PLPP4: variants seen among roughly 807,000 people sequenced by gnomAD.
The protein encoded by PLPP4 is phospholipid phosphatase 4.
Under a neutral mutation model 32.2 loss-of-function variants are expected in PLPP4, and 20 were observed. The observed-to-expected ratio is 0.62, with a 90% CI of 0.44 to 0.90. The LOEUF is 0.90. Ranked by LOEUF, PLPP4 falls within the 40% of genes least tolerant of loss-of-function variation. PLPP4 has a pLI of 0.00. For synonymous variants in PLPP4, 127 were observed against 133.0 expected (o/e 0.95, Z 0.31); for missense variants, 257 against 353.1 (o/e 0.73, Z 2.18).
chr10:120,575,962 G>C (rs951380833), intron 6 of PLPP4, among the ~76,000 whole-genome samples: 2 of 152,202 alleles, frequency 1.3e-5, no homozygotes, highest in African/African-American at 4.8e-5. Context: ...AGAGCACACA[G>C]AGAGCTGAGA....
intron 2 of PLPP4, among the ~76,000 whole-genome samples, chr10:120,511,402 C>CT (rs909425234): frequency 4.6e-5 from 7 of 152,308 alleles, no homozygotes; most frequent in Admixed American, 3.9e-4. Context: ...CCAACTCATA[C>CT]TTTTTTCTGG....
chr10:120,487,878 TG>T (rs1844533457), intron 1 of PLPP4, among the ~76,000 whole-genome samples: 1 of 152,220 alleles, frequency 6.6e-6, no homozygotes, highest in Non-Finnish European at 1.5e-5. Context: ...CCAGAGTTGG[TG>T]GCTACTTTTT....
At chr10:120,520,864 G>A in intron 4 of PLPP4, 107 bp from the exon 5 acceptor site, 1 of 1,384,170 alleles carries the variant, frequency 7.2e-7, no homozygotes. Flanking sequence ...TGACAGCCAA[G>A]GGGGCTGAGG....
intron 5 of PLPP4, among the ~76,000 whole-genome samples, chr10:120,562,525 C>T (rs1848482840): frequency 6.6e-6 from 1 of 152,150 alleles, no homozygotes; most frequent in Non-Finnish European, 1.5e-5. Context: ...TAAGGGAATG[C>T]TTTAAACGTC....
intron 1 of PLPP4, among the ~76,000 whole-genome samples, chr10:120,502,985 C>T (rs527601437): frequency 6.6e-6 from 1 of 152,312 alleles, no homozygotes; most frequent in South Asian, 2.1e-4. Context: ...CCCACAGGTT[C>T]TCCATGCCAT....
At chr10:120,574,135 C>A (rs910436315) in intron 5 of PLPP4, among the ~76,000 whole-genome samples, 5 of 86,874 alleles carry the variant, frequency 5.8e-5, no homozygotes, top group East Asian at 3.9e-4. Context: ...GGAGTACACA[C>A]ACACACACAC....
At chr10:120,578,470 TC>T (rs1372352389) in intron 6 of PLPP4, among the ~76,000 whole-genome samples, 2 of 152,210 alleles carry the variant, frequency 1.3e-5, no homozygotes. Context: ...TTAACAGCAT[TC>T]ATGTTGTGAG....
intron 1 of PLPP4, among the ~76,000 whole-genome samples, chr10:120,485,672 C>A (rs1159441976): frequency 2.0e-5 from 3 of 152,090 alleles, no homozygotes; most frequent in Admixed American, 6.5e-5. Context: ...ATTATTGATT[C>A]ATTCATTAGG....
intron 1 of PLPP4, among the ~76,000 whole-genome samples, chr10:120,499,065 G>A (rs991189958): frequency 5.9e-5 from 9 of 152,104 alleles, no homozygotes; most frequent in African/African-American, 9.7e-5. Flanking sequence ...GTTTTTAGCC[G>A]TTCTGTTTTT....
rs115922558 is a variant in PLPP4 at position 120,585,436 on chromosome 10, G to A, written c.617-3867G>A. 4.2e-3 allele frequency among the ~76,000 whole-genome samples: 640 copies of A among 152,336 alleles called. 4 individuals are homozygous for A. Among genetic ancestry groups the A allele is most frequent in the African/African-American group, 0.015 (612 of 41,568 alleles). On this transcript the variant is annotated intron_variant, in intron 6 of 6. Coordinates refer to ENST00000398250, the MANE Select transcript of PLPP4 (RefSeq NM_001030059.3). ...GATCTGTAAGCTTCTGAGTTGCTGT[G>A]TGAGGAGAAGGATGGGGCAGAATGA... is the stretch of plus-strand genomic sequence containing the variant.
Position 120,513,864 on chromosome 10 carries a change from A to T in PLPP4, c.166-47A>T, listed in dbSNP as rs778088203. The stretch of plus-strand genomic sequence containing the variant: ...AACTAATTATCAATCAGCCCTTCTG[A>T]TAGCAAACTGATGTCCTCATAAGGG... On this transcript the variant is annotated intron_variant, in intron 2 of 6. Coordinates refer to ENST00000398250, the MANE Select transcript of PLPP4 (RefSeq NM_001030059.3). 29 of 1,441,854 alleles carry T rather than the reference A, an allele frequency of 2.0e-5. 1 individual carries two copies. In the East Asian group the frequency reaches 5.9e-4, roughly 29 times the overall value. 89.3% of individuals were successfully genotyped at this position (1,441,854 alleles called of 1,614,324 possible). A position where few individuals can be genotyped will look rare whatever the true frequency, so the allele number is the denominator to read the frequency against.
At chr10:120,574,160 ACACACACACT>A (rs1564850035) in intron 5 of PLPP4, among the ~76,000 whole-genome samples, 14 of 117,724 alleles carry the variant, frequency 1.2e-4, no homozygotes, top group South Asian at 3.4e-4. Context: ...ACACACACAC[ACACACACACT>A]CTCTCTCTCT....
intron 6 of PLPP4, among the ~76,000 whole-genome samples, chr10:120,578,176 T>C (rs1176560340): frequency 6.6e-6 from 1 of 152,200 alleles, no homozygotes; most frequent in Non-Finnish European, 1.5e-5. Flanking sequence ...GCAGCAATGT[T>C]CTGGGAGTGG....
intron 5 of PLPP4, among the ~76,000 whole-genome samples, chr10:120,555,976 G>GGTGGCTT (rs1848143818): frequency 6.6e-6 from 1 of 152,148 alleles, no homozygotes; most frequent in Non-Finnish European, 1.5e-5. Flanking sequence ...TTCTCAGACT[G>GGTGGCTT]GTGGCTTGTG....
At chr10:120,535,439 G>T (rs560652401) in intron 5 of PLPP4, among the ~76,000 whole-genome samples, 1 of 151,864 alleles carries the variant, frequency 6.6e-6, no homozygotes, top group South Asian at 2.1e-4. Context: ...CCATCTGTTG[G>T]GTGTTGCATT....
chr10:120,536,705 A>G (rs1429336680), intron 5 of PLPP4, among the ~76,000 whole-genome samples: 1 of 150,886 alleles, frequency 6.6e-6, no homozygotes, highest in African/African-American at 2.4e-5. Flanking sequence ...AACAAGTAGG[A>G]TTACAAAAAA....
chr10:120,500,381 T>G (rs1589772449), intron 1 of PLPP4, among the ~76,000 whole-genome samples: 1 of 152,092 alleles, frequency 6.6e-6, no homozygotes, highest in Non-Finnish European at 1.5e-5. Context: ...ACCCTGTGGG[T>G]GGCAGAATAT....
At chr10:120,502,598 G>T (rs1462690950) in intron 1 of PLPP4, among the ~76,000 whole-genome samples, 1 of 152,098 alleles carries the variant, frequency 6.6e-6, no homozygotes, top group Non-Finnish European at 1.5e-5. Context: ...TGACAGCCCT[G>T]GAGTGGCTCC....
intron 6 of PLPP4, among the ~76,000 whole-genome samples, chr10:120,575,990 G>A (rs1251592669): frequency 6.6e-6 from 1 of 152,184 alleles, no homozygotes; most frequent in East Asian, 1.9e-4. Flanking sequence ...GATGTCCATG[G>A]GAGGTGTGGC....
Sources: gnomAD v4.1 joint callset for allele counts (sites outside exome capture counted in the v4.1 genomes callset) on GRCh38, gnomAD v4.1.1 for gene constraint, MANE v1.5 for transcripts, NCBI Gene and HGNC (gene_info 2026-07-23, HGNC 2026-07-21) for gene names.